The following XRCC4 variants were observed in gnomAD, a reference collection of about 807,000 sequenced individuals.
XRCC4 encodes DNA repair protein XRCC4.
In XRCC4, 28 loss-of-function variants were observed where a neutral mutation model predicts 39.1. The ratio of observed to expected loss-of-function variants is 0.72; its 90% CI spans 0.53 to 0.98. XRCC4 has a LOEUF of 0.98. Ranked by LOEUF, XRCC4 falls within the 50% of genes least tolerant of loss-of-function variation. The pLI, the probability that XRCC4 is intolerant of heterozygous loss-of-function variation, is 0.00. For missense variants in XRCC4, 350 were observed against 376.4 expected (o/e 0.93, Z 0.58); for synonymous variants, 123 against 126.4 (o/e 0.97, Z 0.18).
intron 7 of XRCC4, among the ~76,000 whole-genome samples, chr5:83,288,001 T>G (rs1234219627): frequency 6.6e-6 from 1 of 151,882 alleles, no homozygotes; most frequent in African/African-American, 2.4e-5. Flanking sequence ...TTAATTTTCA[T>G]GTACTTCAAA....
At chr5:83,080,518 T>G (rs1744888197) in intron 1 of XRCC4, among the ~76,000 whole-genome samples, 1 of 125,076 alleles carries the variant, frequency 8.0e-6, no homozygotes, top group Admixed American at 7.7e-5. Flanking sequence ...AGAGCGAGAC[T>G]CCATCTCAAA....
chr5:83,127,156 ATGTATTT>A (rs1747308115), intron 3 of XRCC4, among the ~76,000 whole-genome samples: 1 of 151,938 alleles, frequency 6.6e-6, no homozygotes, highest in Admixed American at 6.6e-5. Flanking sequence ...GATGGAATGG[ATGTATTT>A]TGTGTGTTAT....
At chr5:83,229,618 C>G (rs1265038077) in intron 6 of XRCC4, among the ~76,000 whole-genome samples, 1 of 145,058 alleles carries the variant, frequency 6.9e-6, no homozygotes, top group East Asian at 2.1e-4. Context: ...AAATTATGCT[C>G]ATTCCATTAA....
the XRCC4 span, among the ~76,000 whole-genome samples, chr5:83,372,199 T>C: frequency 6.6e-6 from 1 of 152,190 alleles, no homozygotes; most frequent in Non-Finnish European, 1.5e-5. Flanking sequence ...AATTATTAAA[T>C]ACAGTTGAAC....
At chr5:83,241,384 A>T (rs1252586660) in intron 6 of XRCC4, among the ~76,000 whole-genome samples, 1 of 152,214 alleles carries the variant, frequency 6.6e-6, no homozygotes, top group Admixed American at 6.5e-5. Context: ...GAAGCACGAC[A>T]TAATTTTACA....
At chr5:83,167,512 G>A (rs1749537047) in intron 3 of XRCC4, among the ~76,000 whole-genome samples, 2 of 152,180 alleles carry the variant, frequency 1.3e-5, no homozygotes, top group African/African-American at 4.8e-5. Flanking sequence ...CAAAGCCAGG[G>A]CATGAGTTAT....
chr5:83,370,306 G>A, the XRCC4 span, among the ~76,000 whole-genome samples: 1 of 152,160 alleles, frequency 6.6e-6, no homozygotes, highest in South Asian at 2.1e-4. Flanking sequence ...TGGATCTTGA[G>A]CTGTGACTTC....
intron 5 of XRCC4, 39 bp from the exon 6 acceptor site, chr5:83,204,776 G>A: frequency 6.6e-7 from 1 of 1,521,402 alleles, no homozygotes. Context: ...AGCAGGGGGT[G>A]AGCCAGTTAT....
chr5:83,177,709 C>T (rs185334064), intron 3 of XRCC4, among the ~76,000 whole-genome samples: 1 of 152,154 alleles, frequency 6.6e-6, no homozygotes, highest in Non-Finnish European at 1.5e-5. Context: ...CGTGAAGATT[C>T]AGGTTGGAAT....
Position 83,094,508 on chromosome 5 carries a change from C to T in XRCC4, c.-10-10402C>T, listed in dbSNP as rs1341890520. Among the ~76,000 whole-genome samples, 2 of 151,318 alleles carry T rather than the reference C, an allele frequency of 1.3e-5. 1 individual carries two copies. Among genetic ancestry groups the T allele is most frequent in the African/African-American group, 4.9e-5 (2 of 41,076 alleles). On this transcript the variant is annotated intron_variant, in intron 1 of 7. Transcript: ENST00000396027. ...AGAAGCTCACTGATTCTTTCTTCAG[C>T]TTCCTCAAGGCAGCTGTTCAAGCTT...
rs1170760475 is a variant in XRCC4 at position 83,298,709 on chromosome 5, G to A, written c.893+40032G>A. Among the ~76,000 whole-genome samples the A allele has an allele frequency of 2.6e-5, 4 of 151,512 alleles. 1 individual carries two copies. The South Asian group carries it at 8.3e-4, about 32-fold the overall frequency. The stretch of plus-strand genomic sequence containing the variant: ...TTTTCTATTTTGGAGGAAATACATT[G>A]TTTCTCTTCTTTTAGTATCTACTCT... On this transcript the variant is annotated intron_variant, in intron 7 of 7. Transcript: ENST00000396027.
chr5:83,326,535 A>G (rs1230233992), intron 7 of XRCC4, among the ~76,000 whole-genome samples: 2 of 152,060 alleles, frequency 1.3e-5, no homozygotes, highest in African/African-American at 4.8e-5. Flanking sequence ...AGCATTTAAT[A>G]TTCTTTATGG....
At chr5:83,363,174 GAGA>G in the XRCC4 span, among the ~76,000 whole-genome samples, 2 of 152,122 alleles carry the variant, frequency 1.3e-5, no homozygotes, top group African/African-American at 2.4e-5. Flanking sequence ...AGGAAAATTT[GAGA>G]AGGAGATAGA....
At chr5:83,280,360 T>G (rs952859792) in intron 7 of XRCC4, 8 of 502,326 alleles carry the variant, frequency 1.6e-5, no homozygotes, top group Non-Finnish European at 3.0e-5. Context: ...ATGCATTTCC[T>G]TCATGTTTCT....
chr5:83,100,375 A>C (rs929378466), intron 1 of XRCC4, among the ~76,000 whole-genome samples: 3 of 152,164 alleles, frequency 2.0e-5, no homozygotes. Context: ...CATCATTGAG[A>C]TTAAAGCCCT....
intron 7 of XRCC4, among the ~76,000 whole-genome samples, chr5:83,342,479 A>G (rs1463316110): frequency 6.6e-6 from 1 of 152,106 alleles, no homozygotes; most frequent in Non-Finnish European, 1.5e-5. Flanking sequence ...TTTTATTTCC[A>G]TCTTCTTCCT....
chr5:83,316,094 A>G lies in XRCC4; in HGVS notation c.894-37037A>G, dbSNP rs1755872966. On this transcript the variant is annotated intron_variant, in intron 7 of 7. Coordinates refer to ENST00000396027, the MANE Select transcript of XRCC4 (RefSeq NM_003401.5). ...CAGGAGTTTGGGAGAAGTTGATTCCAATCCTTGTGGATGATTAGGGGGTTC... is the reference window on the plus strand; with the variant it reads ...CAGGAGTTTGGGAGAAGTTGATTCCGATCCTTGTGGATGATTAGGGGGTTC... Among the ~76,000 whole-genome samples the G allele has an allele frequency of 2.6e-5, 4 of 152,122 alleles. No individual in the cohort carries two copies. In the South Asian group the frequency reaches 8.3e-4, roughly 31 times the overall value.
At chr5:83,123,363 T>G (rs908985301) in intron 3 of XRCC4, among the ~76,000 whole-genome samples, 1 of 152,084 alleles carries the variant, frequency 6.6e-6, no homozygotes, top group African/African-American at 2.4e-5. Flanking sequence ...TAGTTTTCTT[T>G]TGATTGGAAT....
intron 1 of XRCC4, among the ~76,000 whole-genome samples, chr5:83,088,011 G>T (rs905127394): frequency 6.6e-6 from 1 of 152,078 alleles, no homozygotes; most frequent in Non-Finnish European, 1.5e-5. Context: ...TTGTATTGTC[G>T]TTGCTACTGG....
Sources: allele counts gnomAD v4.1 joint callset (sites outside exome capture counted in the v4.1 genomes callset), GRCh38; gene constraint gnomAD v4.1.1; transcripts MANE v1.5; gene names NCBI Gene and HGNC (gene_info 2026-07-23, HGNC 2026-07-21).